ADAMTSL1: variants seen among roughly 807,000 people sequenced by gnomAD.
ADAMTSL1 encodes the protein ADAMTS-like protein 1.
In ADAMTSL1, 126 loss-of-function variants were observed where a neutral mutation model predicts 201.8. The observed-to-expected ratio is 0.62, with a 90% CI of 0.54 to 0.72. The LOEUF (loss-of-function observed/expected upper bound fraction) is 0.72, where lower values mean the gene tolerates loss of function less well. Ranked by LOEUF, ADAMTSL1 falls within the 30% of genes least tolerant of loss-of-function variation. The pLI is 0.00. For missense variants in ADAMTSL1, 2,679 were observed against 2,277.8 expected, an observed-to-expected ratio of 1.18 and a Z score of -3.59; for synonymous variants, 1,121 against 903.4, an observed-to-expected ratio of 1.24 and a Z score of -4.32.
At chr9:18,901,161 G>T (rs1289307086) in intron 26 of ADAMTSL1, among the ~76,000 whole-genome samples, 1 of 148,444 alleles carries the variant, frequency 6.7e-6, no homozygotes, top group African/African-American at 2.5e-5. Flanking sequence ...AAAAAAAAAA[G>T]AAAAATTATA....
chr9:18,774,977 C>G (rs998754660), intron 17 of ADAMTSL1, among the ~76,000 whole-genome samples: 4 of 152,104 alleles, frequency 2.6e-5, no homozygotes, highest in Admixed American at 6.5e-5. Flanking sequence ...TCTAAAGAGG[C>G]TGTATCATTT....
At chr9:18,753,211 G>C in intron 15 of ADAMTSL1, 87 bp from the exon 16 acceptor site, 1 of 1,321,746 alleles carries the variant, frequency 7.6e-7, no homozygotes, top group Non-Finnish European at 1.1e-6. Flanking sequence ...TTCCCAGTTA[G>C]GGGTTTTAAC....
chr9:18,548,947 C>G (rs1363041892), intron 3 of ADAMTSL1, among the ~76,000 whole-genome samples: 1 of 151,454 alleles, frequency 6.6e-6, no homozygotes, highest in Non-Finnish European at 1.5e-5. Flanking sequence ...AAACTTTACC[C>G]AAAATATAGG....
intron 3 of ADAMTSL1, among the ~76,000 whole-genome samples, chr9:18,562,500 G>T (rs1821582627): frequency 6.6e-6 from 1 of 152,196 alleles, no homozygotes; most frequent in South Asian, 2.1e-4. Flanking sequence ...GTGTCTTGGG[G>T]TTGCTCTTCT....
intron 1 of ADAMTSL1, among the ~76,000 whole-genome samples, chr9:17,948,327 C>T (rs1268839273): frequency 6.6e-6 from 1 of 152,098 alleles, no homozygotes; most frequent in Non-Finnish European, 1.5e-5. Context: ...TTACAAATAC[C>T]AAATGTGTGC....
intron 1 of ADAMTSL1, among the ~76,000 whole-genome samples, chr9:18,060,639 C>G (rs1244936398): frequency 6.6e-6 from 1 of 152,148 alleles, no homozygotes; most frequent in African/African-American, 2.4e-5. Flanking sequence ...ACAATAAACA[C>G]TTTTATTTTC....
chr9:17,930,490 C>G (rs1171190648), intron 1 of ADAMTSL1, among the ~76,000 whole-genome samples: 6 of 152,128 alleles, frequency 3.9e-5, no homozygotes, highest in Non-Finnish European at 7.3e-5. Context: ...TCATACCTCC[C>G]AGCAAGGGAG....
Position 18,863,840 on chromosome 9 carries a change from A to AT in ADAMTSL1, c.4250-23990dup, listed in dbSNP as rs534895766. Among the ~76,000 whole-genome samples the AT allele has an allele frequency of 2.6e-4, 39 of 152,278 alleles. No individual in the cohort carries two copies. In the South Asian group the frequency reaches 8.1e-3, roughly 32 times the overall value. On this transcript the variant is annotated intron_variant, in intron 23 of 28. Coordinates refer to ENST00000380548, the MANE Select transcript of ADAMTSL1 (RefSeq NM_001040272.6). ...ACCACATACCACGAGCAAAATGGAG[A>AT]TCCCTCTATAAAATTTACAGGACTG...
intron 4 of ADAMTSL1, chr9:18,574,646 A>T: frequency 3.2e-6 from 1 of 315,412 alleles, no homozygotes; most frequent in African/African-American, 2.1e-5. Flanking sequence ...TCATTGACTC[A>T]GTTTCAGAAT....
chr9:18,681,697 T>TG (rs1554728661), intron 11 of ADAMTSL1, 115 bp from the exon 12 acceptor site: 5,607 of 239,316 alleles, frequency 0.023, 30 homozygotes, highest in African/African-American at 0.059. Context: ...AGTCCTCGTG[T>TG]GGGGGGGGGG....
chr9:18,183,398 C>G (rs1225596260), intron 2 of ADAMTSL1, among the ~76,000 whole-genome samples: 1 of 152,114 alleles, frequency 6.6e-6, no homozygotes, highest in Non-Finnish European at 1.5e-5. Context: ...TAACTAAAAA[C>G]TTCTTCTTTG....
chr9:18,265,680 G>A (rs369718224), intron 2 of ADAMTSL1, among the ~76,000 whole-genome samples: 16 of 152,036 alleles, frequency 1.1e-4, no homozygotes, highest in African/African-American at 3.6e-4. Flanking sequence ...GCTAACTATT[G>A]TACTCATATA....
intron 23 of ADAMTSL1, among the ~76,000 whole-genome samples, chr9:18,852,465 C>T (rs75074145): frequency 0.013 from 2,016 of 150,366 alleles, 40 homozygotes; most frequent in South Asian, 0.087. Flanking sequence ...CCTCAGAAGC[C>T]AGATCCTGGA....
At chr9:18,159,194 A>C (rs551166750) in intron 1 of ADAMTSL1, among the ~76,000 whole-genome samples, 1 of 152,152 alleles carries the variant, frequency 6.6e-6, no homozygotes, top group South Asian at 2.1e-4. Context: ...TTCTCAGTAA[A>C]CTATGAATCA....
At position 18,758,552 on chromosome 9, in the gene ADAMTSL1, A is replaced by G. The variant is rs141514216; in HGVS notation, c.2217+5044A>G. Among the ~76,000 whole-genome samples, 3 of 152,226 alleles carry G rather than the reference A, an allele frequency of 2.0e-5. No homozygotes were observed. In the East Asian group the frequency reaches 5.8e-4, roughly 29 times the overall value. ...GTCTTTTCTGGCTTCTACAGGCCAT[A>G]TGCTTCCTTGGCTCATGGCCCCTTC... On this transcript the variant is annotated intron_variant, in intron 16 of 28. Transcript: ENST00000380548.
At chr9:18,619,152 T>A (rs1464748995) in intron 4 of ADAMTSL1, among the ~76,000 whole-genome samples, 1 of 152,156 alleles carries the variant, frequency 6.6e-6, no homozygotes, top group African/African-American at 2.4e-5. Context: ...TTAAGCCCAT[T>A]TTTGTATTTC....
chr9:18,829,372 A>G (rs6475256), intron 22 of ADAMTSL1, among the ~76,000 whole-genome samples: 95,031 of 152,034 alleles, frequency 0.63, 31,025 homozygotes, highest in Non-Finnish European at 0.73. Context: ...GTCCTTTTAA[A>G]TAAGAAATTC....
upstream of ADAMTSL1, among the ~76,000 whole-genome samples, chr9:18,470,781 A>G (rs544197247): frequency 1.3e-3 from 205 of 152,316 alleles, 1 homozygote; most frequent in African/African-American, 4.6e-3. Context: ...TGTCTTTTCA[A>G]TTAAGTATTG....
chr9:18,106,027 A>T (rs755880305), intron 1 of ADAMTSL1, among the ~76,000 whole-genome samples: 1 of 152,172 alleles, frequency 6.6e-6, no homozygotes, highest in Non-Finnish European at 1.5e-5. Context: ...CTTATCTTTG[A>T]ATTCCTAGAG....
Sources: allele counts gnomAD v4.1 joint callset (sites outside exome capture counted in the v4.1 genomes callset), GRCh38; gene constraint gnomAD v4.1.1; transcripts MANE v1.5; gene names NCBI Gene and HGNC (gene_info 2026-07-23, HGNC 2026-07-21).